Variants in STRBP observed in about 807,000 individuals in gnomAD.
STRBP encodes the protein spermatid perinuclear RNA binding protein.
Under a neutral mutation model 80.1 loss-of-function variants are expected in STRBP, and 13 were observed. That is an observed-to-expected ratio of 0.16 (90% CI 0.11 to 0.26). The LOEUF is 0.26. STRBP is among the 10% of genes least tolerant of loss of function. The pLI is 1.00. For synonymous variants in STRBP, 284 were observed against 291.2 expected, an observed-to-expected ratio of 0.98 and a Z score of 0.25; for missense variants, 485 against 815.2, an observed-to-expected ratio of 0.59 and a Z score of 4.93.
intron 12 of STRBP, 45 bp from the exon 13 acceptor site, chr9:123,147,099 A>ATT (rs774935895): frequency 4.5e-6 from 7 of 1,563,272 alleles, no homozygotes; most frequent in South Asian, 3.5e-5. Context: ...CTAGAAAGTA[A>ATT]TTTTGCTTTA....
chr9:123,218,414 C>G, intron 2 of STRBP, among the ~76,000 whole-genome samples: 1 of 136,962 alleles, frequency 7.3e-6, no homozygotes, highest in Admixed American at 7.8e-5. Flanking sequence ...CCAGGCCGGA[C>G]TGCGGACTGC....
At chr9:123,191,159 T>C (rs770269873) in intron 2 of STRBP, among the ~76,000 whole-genome samples, 1 of 152,106 alleles carries the variant, frequency 6.6e-6, no homozygotes, top group Non-Finnish European at 1.5e-5. Flanking sequence ...AGGAAGCAAG[T>C]TGAGGAGGCA....
chr9:123,256,018 C>CTTTTT (rs11338372), intron 1 of STRBP, among the ~76,000 whole-genome samples: 172 of 71,478 alleles, frequency 2.4e-3, no homozygotes, highest in Non-Finnish European at 3.2e-3. Context: ...TCCTTTCTTT[C>CTTTTT]TTTTTTTTTT....
intron 1 of STRBP, among the ~76,000 whole-genome samples, chr9:123,266,401 C>T (rs1407111708): frequency 4.6e-5 from 7 of 152,044 alleles, no homozygotes; most frequent in Admixed American, 1.3e-4. Context: ...TAATGTCCTC[C>T]ACTTTCCATT....
intron 2 of STRBP, among the ~76,000 whole-genome samples, chr9:123,193,382 CCA>C (rs1268673022): frequency 1.3e-5 from 2 of 152,128 alleles, no homozygotes; most frequent in Non-Finnish European, 2.9e-5. Flanking sequence ...GCAGTCATCA[CCA>C]CAGTGACTAA....
intron 11 of STRBP, among the ~76,000 whole-genome samples, chr9:123,152,225 T>C (rs1056004226): frequency 6.6e-6 from 1 of 152,010 alleles, no homozygotes; most frequent in Non-Finnish European, 1.5e-5. Flanking sequence ...AAAGAAAAAC[T>C]AACATCAAAT....
At chr9:123,201,333 T>G (rs1397507013) in intron 2 of STRBP, among the ~76,000 whole-genome samples, 1 of 152,226 alleles carries the variant, frequency 6.6e-6, no homozygotes, top group Non-Finnish European at 1.5e-5. Flanking sequence ...GAAATTCTGA[T>G]GTAGGCATTT....
intron 14 of STRBP, among the ~76,000 whole-genome samples, chr9:123,138,951 C>T (rs1588466927): frequency 6.6e-6 from 1 of 152,286 alleles, no homozygotes; most frequent in Non-Finnish European, 1.5e-5. Flanking sequence ...GTTCCATGAA[C>T]TCCCCAATGT....
chr9:123,180,116 C>A (rs2132453408), intron 3 of STRBP, among the ~76,000 whole-genome samples: 1 of 152,160 alleles, frequency 6.6e-6, no homozygotes, highest in South Asian at 2.1e-4. Context: ...ATTAGCCGGA[C>A]GTGGTAGCAG....
chr9:123,247,125 C>A (rs2040815515), intron 1 of STRBP, among the ~76,000 whole-genome samples: 2 of 152,066 alleles, frequency 1.3e-5, no homozygotes. Flanking sequence ...AAGGGGAGAA[C>A]AGCCACTACC....
downstream of STRBP, among the ~76,000 whole-genome samples, chr9:123,117,445 C>T (rs1216307784): frequency 2.0e-5 from 3 of 152,194 alleles, no homozygotes; most frequent in African/African-American, 4.8e-5. Flanking sequence ...CCAACACGCT[C>T]AACAGGGTGG....
intron 3 of STRBP, chr9:123,111,974 A>G (rs1158974146): frequency 5.6e-6 from 1 of 178,736 alleles, no homozygotes; most frequent in Non-Finnish European, 1.3e-5. Context: ...GCAAAACACA[A>G]CTTCACCGAG....
chr9:123,187,301 G>T (rs2038738543), intron 2 of STRBP, among the ~76,000 whole-genome samples: 4 of 148,404 alleles, frequency 2.7e-5, no homozygotes, highest in Middle Eastern at 3.8e-3. Context: ...TGTGACCATA[G>T]AACACACAGG....
chr9:123,252,232 C>G (rs1417363220), intron 1 of STRBP, among the ~76,000 whole-genome samples: 2 of 152,196 alleles, frequency 1.3e-5, no homozygotes, highest in African/African-American at 4.8e-5. Context: ...GTGATGTTGG[C>G]TAGGCTATCA....
rs1423828597 is a variant in STRBP at position 123,115,235 on chromosome 9, C to T, written c.*84+694G>A. On this transcript the variant is annotated intron_variant and NMD_transcript_variant, in intron 3 of 3. Transcript: ENST00000471564. This position sits in a 1 kb window ranked among gnomAD's most constrained non-coding sequence, Gnocchi z 5.0. The stretch of plus-strand genomic sequence containing the variant: ...GCATGCATGCCAGGCCCGCCTCTGA[C>T]TCCCCTCCTGGGGATCCCGTCTGGC... 1 of 471,230 alleles carries T rather than the reference C, an allele frequency of 2.1e-6. No individual in the cohort carries two copies. The allele number at this position is 471,230 out of a possible 1,614,324, so 29.2% of individuals were successfully genotyped here.
At chr9:123,255,870 C>A (rs2041016768) in intron 1 of STRBP, among the ~76,000 whole-genome samples, 2 of 152,132 alleles carry the variant, frequency 1.3e-5, no homozygotes, top group African/African-American at 4.8e-5. Flanking sequence ...TCCTCCTGAT[C>A]TCACTTCTCT....
chr9:123,115,249 A>T lies in STRBP; in HGVS notation c.*84+680T>A, dbSNP rs917470620. On this transcript the variant is annotated intron_variant and NMD_transcript_variant, in intron 3 of 3. Transcript: ENST00000471564. The surrounding 1 kb of genome is among the most constrained non-coding windows in gnomAD (Gnocchi z 5.0). ...CCCGCCTCTGACTCCCCTCCTGGGG[A>T]TCCCGTCTGGCTCAGTGGGAAGCCT... is the stretch of plus-strand genomic sequence containing the variant. 1.1e-5 allele frequency: 5 copies of T among 471,044 alleles called. No homozygotes were observed. In the Admixed American group the frequency reaches 1.2e-4, roughly 11 times the overall value. The allele number at this position is 471,044 out of a possible 1,614,324, so 29.2% of individuals were successfully genotyped here.
intron 6 of STRBP, among the ~76,000 whole-genome samples, chr9:123,162,077 T>C (rs564248375): frequency 2.0e-5 from 3 of 152,324 alleles, no homozygotes; most frequent in South Asian, 2.1e-4. Flanking sequence ...ATTATCATGA[T>C]AGTAACATCG....
intron 1 of STRBP, among the ~76,000 whole-genome samples, chr9:123,260,777 C>G (rs907618167): frequency 5.9e-5 from 9 of 152,070 alleles, no homozygotes; most frequent in Non-Finnish European, 1.0e-4. Flanking sequence ...CAGCAAAATG[C>G]TGATAATTGG....
Sources: gnomAD v4.1 joint callset for allele counts (sites outside exome capture counted in the v4.1 genomes callset) on GRCh38, gnomAD v4.1.1 for gene constraint, Gnocchi (gnomAD v3.1) non-coding constraint, MANE v1.5 for transcripts, NCBI Gene and HGNC (gene_info 2026-07-23, HGNC 2026-07-21) for gene names.